The following ZFP64 variants were observed in gnomAD, a reference collection of about 807,000 sequenced individuals.
ZFP64 encodes the protein zinc finger protein 64.
In ZFP64, 14 loss-of-function variants were observed where a neutral mutation model predicts 51.6. The observed-to-expected ratio is 0.27, with a 90% confidence interval of 0.18 to 0.42. The LOEUF (loss-of-function observed/expected upper bound fraction) is 0.42, where lower values mean the gene tolerates loss of function less well. ZFP64 is among the 10% of genes least tolerant of loss of function. The probability of loss-of-function intolerance (pLI) is 1.00; values close to 1 mark genes in which losing one functional copy is unlikely to be tolerated. For synonymous variants in ZFP64, 375 were observed against 361.4 expected (o/e 1.04, Z -0.43); for missense variants, 754 against 906.8 (o/e 0.83, Z 2.16).
At chr20:52,137,381 T>C (rs1246241385) in intron 5 of ZFP64, among the ~76,000 whole-genome samples, 1 of 152,056 alleles carries the variant, frequency 6.6e-6, no homozygotes, top group East Asian at 1.9e-4. Flanking sequence ...GTGGATCAGA[T>C]TGGGATCCAA....
intron 5 of ZFP64, among the ~76,000 whole-genome samples, 182 bp downstream of exon 5, chr20:52,159,941 C>T (rs1241119180): frequency 1.3e-5 from 2 of 152,158 alleles, no homozygotes; most frequent in South Asian, 2.1e-4. Context: ...CGCCACTGCA[C>T]TCCAGCCAGG....
intron 2 of ZFP64, among the ~76,000 whole-genome samples, 161 bp from the exon 3 acceptor site, chr20:52,166,186 A>G (rs1183510862): frequency 1.3e-5 from 2 of 150,512 alleles, no homozygotes; most frequent in Admixed American, 6.6e-5. Flanking sequence ...CTAATGAGAC[A>G]CTAGAGAGCA....
chr20:52,156,233 TC>T (rs1320450128), intron 5 of ZFP64, among the ~76,000 whole-genome samples: 2 of 150,878 alleles, frequency 1.3e-5, no homozygotes, highest in African/African-American at 4.8e-5. Context: ...CTCCCACCCC[TC>T]CTTTAGCACG....
intron 5 of ZFP64, among the ~76,000 whole-genome samples, chr20:52,103,686 G>C (rs1360893321): frequency 6.6e-6 from 1 of 152,130 alleles, no homozygotes; most frequent in African/African-American, 2.4e-5. Context: ...AGCATCCCCA[G>C]TACCTCCCCA....
chr20:52,135,335 G>A (rs1442614781), intron 5 of ZFP64, among the ~76,000 whole-genome samples: 2 of 152,132 alleles, frequency 1.3e-5, no homozygotes, highest in Admixed American at 6.5e-5. Flanking sequence ...ACCCCAGTGG[G>A]GCTGAATAGT....
chr20:52,134,532 G>C (rs1979878372), intron 5 of ZFP64, among the ~76,000 whole-genome samples: 1 of 152,294 alleles, frequency 6.6e-6, no homozygotes, highest in South Asian at 2.1e-4. Context: ...GCCTAAAGCT[G>C]CTTCTTTGCG....
rs1267943986 is a variant in ZFP64 at position 52,153,055 on chromosome 20, G to A, written c.1137C>T (p.Asp379=). 6.2e-7 allele frequency: 1 copy of A among 1,614,048 alleles called. No homozygotes were observed. Among genetic ancestry groups the A allele is most frequent in the Non-Finnish European group, 8.5e-7 (1 of 1,180,058 alleles). Reference sequence around the variant, plus strand: ...TGCTCAGGTTGCTGGGCTGTTTGGTGTCGAAGCTGCAGTAGTTGCACTTGA... The same window carrying A: ...TGCTCAGGTTGCTGGGCTGTTTGGTATCGAAGCTGCAGTAGTTGCACTTGA... ...RPFKCNYCSF[D]TKQPSNLSKH... Residue 379 remains aspartate (D), a synonymous_variant, in exon 6 of 6, where the codon GAC becomes GAT. Transcript: ENST00000216923. The surrounding 1 kb of genome is among the most constrained non-coding windows in gnomAD (Gnocchi z 5.1).
chr20:52,140,897 G>A (rs1252865615), intron 5 of ZFP64, among the ~76,000 whole-genome samples: 1 of 152,106 alleles, frequency 6.6e-6, no homozygotes, highest in Non-Finnish European at 1.5e-5. Flanking sequence ...TCTTGTTAGG[G>A]GCTAATGTAG....
chr20:52,123,909 A>C (rs1479994663), intron 5 of ZFP64, among the ~76,000 whole-genome samples: 1 of 151,822 alleles, frequency 6.6e-6, no homozygotes, highest in Non-Finnish European at 1.5e-5. Flanking sequence ...TCGCTCTGTC[A>C]CCCAGGCTCA....
intron 5 of ZFP64, among the ~76,000 whole-genome samples, chr20:52,142,386 A>ACACACACGCG (rs776498875): frequency 0.016 from 2,293 of 141,880 alleles, 29 homozygotes; most frequent in Middle Eastern, 0.028. Context: ...AGACACACAC[A>ACACACACGCG]CACACACACA....
rs1312613174 is a variant in ZFP64 at position 52,110,395 on chromosome 20, T to A, written c.764-11808A>T. The A allele has an allele frequency of 5.3e-6, 3 of 565,172 alleles. No individual in the cohort carries two copies. The East Asian group carries it at 8.5e-5, about 16-fold the overall frequency. The allele number at this position is 565,172 out of a possible 1,614,324, so 35.0% of individuals were successfully genotyped here. ...TCTTCTGGAAGGCAGTTAGGATGTT[T>A]AAGCTCTTCTGGAGCTCCTCCTTCT... On this transcript the variant is annotated intron_variant, in intron 5 of 8. Coordinates refer to the ZFP64 transcript ENST00000361387.
chr20:52,122,534 TATAAGACTGTAGCTGCCATAGACAGTG>T (rs1979244594), intron 5 of ZFP64, among the ~76,000 whole-genome samples: 1 of 151,638 alleles, frequency 6.6e-6, no homozygotes, highest in Non-Finnish European at 1.5e-5. Context: ...AAATACATTT[TATAAGACTGTAGCTGCCATAGACAGTG>T]ATTCCTTTGA....
At chr20:52,109,909 A>T (rs1978467069) in intron 5 of ZFP64, among the ~76,000 whole-genome samples, 1 of 152,188 alleles carries the variant, frequency 6.6e-6, no homozygotes, top group Non-Finnish European at 1.5e-5. Flanking sequence ...ATCATGGCCA[A>T]ACATGCATTG....
intron 5 of ZFP64, among the ~76,000 whole-genome samples, chr20:52,104,237 T>C (rs1031760506): frequency 1.3e-5 from 2 of 152,150 alleles, no homozygotes; most frequent in African/African-American, 4.8e-5. Context: ...GAGATTCCAG[T>C]GGAGGCGGGG....
chr20:52,089,688 C>CA (rs2078901672), intron 7 of ZFP64, among the ~76,000 whole-genome samples: 1 of 148,728 alleles, frequency 6.7e-6, no homozygotes, highest in South Asian at 2.1e-4. Flanking sequence ...AGGTTGTGAG[C>CA]ACAGATCGTG....
At chr20:52,169,828 C>T (rs1276735705) in intron 2 of ZFP64, among the ~76,000 whole-genome samples, 2 of 152,104 alleles carry the variant, frequency 1.3e-5, no homozygotes, top group African/African-American at 4.8e-5. Flanking sequence ...CCGAGGCAGG[C>T]GGATCACCCG....
At chr20:52,187,977 A>T (rs1455686032) in intron 1 of ZFP64, among the ~76,000 whole-genome samples, 1 of 152,188 alleles carries the variant, frequency 6.6e-6, no homozygotes, top group Non-Finnish European at 1.5e-5. Context: ...TTGGTCCTCT[A>T]CATACTTGTG....
intron 5 of ZFP64, chr20:52,098,625 A>G (rs374233823): frequency 3.0e-5 from 49 of 1,613,204 alleles, no homozygotes; most frequent in Admixed American, 6.7e-5. Context: ...TTTCTCATTT[A>G]TAACCACCAT....
At chr20:52,162,452 C>T (rs1182706731) in intron 4 of ZFP64, among the ~76,000 whole-genome samples, 1 of 151,894 alleles carries the variant, frequency 6.6e-6, no homozygotes, top group Non-Finnish European at 1.5e-5. Context: ...CAGTGAAATC[C>T]TGTCTCTACC....
Sources: allele counts gnomAD v4.1 joint callset (sites outside exome capture counted in the v4.1 genomes callset), GRCh38; gene constraint gnomAD v4.1.1; non-coding constraint Gnocchi (gnomAD v3.1); transcripts MANE v1.5; gene names NCBI Gene and HGNC (gene_info 2026-07-23, HGNC 2026-07-21).